MYO7B: variants seen among roughly 807,000 people sequenced by gnomAD.
The protein encoded by MYO7B is unconventional myosin-VIIb.
A neutral mutation model predicts 259.7 loss-of-function variants in MYO7B; 212 were observed. The ratio of observed to expected loss-of-function variants is 0.82; its 90% CI spans 0.73 to 0.91. The LOEUF (loss-of-function observed/expected upper bound fraction) is 0.91. Among genes scored for constraint, MYO7B ranks in the 40% least tolerant of loss-of-function variants. The pLI, the probability that MYO7B is intolerant of heterozygous loss-of-function variation, is 0.00. For missense variants in MYO7B, 2,732 were observed against 2,813.5 expected, an observed-to-expected ratio of 0.97 and a Z score of 0.66; for synonymous variants, 1,197 against 1,166.4, an observed-to-expected ratio of 1.03 and a Z score of -0.54.
At chr2:127,553,884 G>A (rs2104828133) in intron 1 of MYO7B, among the ~76,000 whole-genome samples, 1 of 152,200 alleles carries the variant, frequency 6.6e-6, no homozygotes, top group South Asian at 2.1e-4. Flanking sequence ...GTATTATGTT[G>A]GCTGTGGATT....
intron 18 of MYO7B, among the ~76,000 whole-genome samples, chr2:127,595,359 T>G (rs1558823863): frequency 6.6e-6 from 1 of 152,190 alleles, no homozygotes; most frequent in Admixed American, 6.5e-5. Flanking sequence ...TCTTCTCTCT[T>G]TTCTTCTTTT....
intron 2 of MYO7B, among the ~76,000 whole-genome samples, chr2:127,561,581 T>C (rs923996728): frequency 1.3e-5 from 2 of 152,248 alleles, no homozygotes; most frequent in Non-Finnish European, 2.9e-5. Flanking sequence ...CATGTGGTTG[T>C]TGAGCCCTCT....
rs752454556 is a variant in MYO7B, at chr2:127,636,331, C to T, written c.6123+7C>T. ...CGCCTTCTTCGAGGTGAAGGTAAAC[C>T]TTGCCCCACGCCAGGGCCTCCTACC... On this transcript the variant is annotated splice_region_variant and intron_variant, in intron 45 of 47. Transcript: ENST00000409816. This position sits in a 1 kb window ranked among gnomAD's most constrained non-coding sequence, Gnocchi z 4.5. 1.9e-6 allele frequency: 3 copies of T among 1,611,064 alleles called. No homozygotes were observed. Among genetic ancestry groups the T allele is most frequent in the South Asian group, 1.1e-5 (1 of 90,956 alleles).
intron 21 of MYO7B, 88 bp from the exon 22 acceptor site, chr2:127,608,620 G>T: frequency 7.1e-7 from 1 of 1,416,016 alleles, no homozygotes; most frequent in Non-Finnish European, 9.5e-7. Flanking sequence ...CTTGGCTTCT[G>T]GGAGGTGCTT....
chr2:127,577,092 C>T lies in MYO7B; in HGVS notation c.849+384C>T, dbSNP rs1244531902. ...CCCCCTAAAACGTAAGCCCCGGGCCCCAGGAAAGCAAAGCCCTTCCTGTGC... is the reference window on the plus strand; with the variant it reads ...CCCCCTAAAACGTAAGCCCCGGGCCTCAGGAAAGCAAAGCCCTTCCTGTGC... On this transcript the variant is annotated intron_variant, in intron 8 of 47. Coordinates refer to ENST00000409816, the MANE Select transcript of MYO7B (RefSeq NM_001393586.1). The surrounding 1 kb of genome is among the most constrained non-coding windows in gnomAD (Gnocchi z 5.2). Among the ~76,000 whole-genome samples the T allele has an allele frequency of 6.6e-6, 1 of 152,126 alleles. No individual in the cohort carries two copies. Among genetic ancestry groups the T allele is most frequent in the Non-Finnish European group, 1.5e-5 (1 of 68,018 alleles).
chr2:127,570,055 G>T, intron 6 of MYO7B, 145 bp downstream of exon 6: 1 of 1,054,710 alleles, frequency 9.5e-7, no homozygotes, highest in Middle Eastern at 3.2e-4. Context: ...AGGGTGGGGT[G>T]CATGGTAGGG....
Position 127,546,803 on chromosome 2 carries a change from T to TC in MYO7B, c.-24+10973dup, listed in dbSNP as rs1287249930. On this transcript the variant is annotated intron_variant, in intron 1 of 47. Coordinates refer to ENST00000409816, the MANE Select transcript of MYO7B (RefSeq NM_001393586.1). This position sits in a 1 kb window ranked among gnomAD's most constrained non-coding sequence, Gnocchi z 4.2. ...ATCCATCCATCCATCCATCCATCCA[T>TC]CAATCCATTCATCTGTTTGTTCATT... 6.6e-6 allele frequency among the ~76,000 whole-genome samples: 1 copy of TC among 151,094 alleles called. No individual in the cohort carries two copies. Among genetic ancestry groups the TC allele is most frequent in the African/African-American group, 2.4e-5 (1 of 41,018 alleles).
At chr2:127,631,825 G>T in intron 38 of MYO7B, 72 bp downstream of exon 38, 1 of 1,549,660 alleles carries the variant, frequency 6.5e-7, no homozygotes, top group Non-Finnish European at 8.7e-7. Flanking sequence ...CCAGACCGAG[G>T]CTCAGAGAGG....
intron 9 of MYO7B, 60 bp from the exon 10 acceptor site, chr2:127,580,686 G>A: frequency 6.6e-7 from 1 of 1,522,492 alleles, no homozygotes; most frequent in Non-Finnish European, 9.0e-7. Flanking sequence ...GGCCAGTCGG[G>A]ACCTTGCTCC....
intron 12 of MYO7B, 77 bp downstream of exon 12, chr2:127,582,523 TG>T: frequency 6.5e-7 from 1 of 1,531,772 alleles, no homozygotes. Context: ...GGGGGCAAGT[TG>T]GAGGGGAGCC....
chr2:127,583,232 T>C (rs1288725014), intron 12 of MYO7B, among the ~76,000 whole-genome samples: 1 of 152,202 alleles, frequency 6.6e-6, no homozygotes, highest in East Asian at 1.9e-4. Context: ...AGCCTGACCT[T>C]GCATGCCCCT....
At chr2:127,625,793 C>T (rs919764620) in intron 31 of MYO7B, among the ~76,000 whole-genome samples, 2 of 152,186 alleles carry the variant, frequency 1.3e-5, no homozygotes, top group Admixed American at 6.5e-5. Flanking sequence ...TGCTGGTCTG[C>T]ACTGTGGTGT....
rs761710645 is a variant in MYO7B at position 127,624,274 on chromosome 2, G to T, written c.4001G>T (p.Arg1334Leu). 1 of 1,590,614 alleles carries T rather than the reference G, an allele frequency of 6.3e-7. No individual in the cohort carries two copies. The highest frequency in any genetic ancestry group is 1.7e-5 in the Admixed American group (1 of 57,456). Reference protein sequence around the residue: ...EDPVSTELIYRQVLRGVWSGE... With the variant: ...EDPVSTELIYLQVLRGVWSGE... ...CCTGTCAGCACCGAGCTTATTTACC[G>T]CCAAGTCCTCCGAGGAGTCTGGTCT... Residue 1334 changes from arginine (R) to leucine (L), a missense_variant, in exon 30 of 48, where the codon CGC (arginine) becomes CTC (leucine). Arg to Leu is a moderately radical substitution (Grantham distance 102). Transcript: ENST00000409816.
In MYO7B at chr2:127,584,852, C is replaced by T. The variant is rs1164288920; in HGVS notation, c.1629C>T (p.Asn543=). The change falls in exon 14 of 48, where the codon AAC becomes AAT. Residue 543 remains asparagine (N), a synonymous_variant. Transcript: ENST00000409816. This position sits in a 1 kb window ranked among gnomAD's most constrained non-coding sequence, Gnocchi z 5.8. ...ANNKAFLQPK[N]IHDARFGIAH... ...ACAAGGCCTTCCTACAGCCCAAGAA[C>T]ATCCACGATGCCAGATTTGGCATTG... 4 of 1,613,996 alleles carry T rather than the reference C, an allele frequency of 2.5e-6. No homozygotes were observed. In the South Asian group the frequency reaches 3.3e-5, roughly 13 times the overall value.
rs1019917444 is a variant in MYO7B at position 127,596,540 on chromosome 2, C to A, written c.2323C>A (p.Arg775=). The change falls in exon 19 of 48, where the codon CGG becomes AGG. Residue 775 remains arginine, a synonymous_variant. Transcript: ENST00000409816. ...RAALSIQKVL[R]GYRYRKEFLR... ...GGCGCTCAGCATCCAGAAAGTCCTT[C>A]GGGGCTACAGATACAGGTGCCGGCC... 1 of 1,612,260 alleles carries A rather than the reference C, an allele frequency of 6.2e-7. No individual in the cohort carries two copies. Among genetic ancestry groups the A allele is most frequent in the African/African-American group, 1.3e-5 (1 of 74,878 alleles).
At chr2:127,604,073 C>CA (rs1680069227) in intron 19 of MYO7B, among the ~76,000 whole-genome samples, 1 of 152,150 alleles carries the variant, frequency 6.6e-6, no homozygotes, top group African/African-American at 2.4e-5. Flanking sequence ...GTGGAGGTTG[C>CA]AGTGAGCTGA....
Position 127,636,453 on chromosome 2 carries a change from T to C in MYO7B, c.6124-92T>C. The C allele has an allele frequency of 2.8e-6, 4 of 1,420,024 alleles. No individual in the cohort carries two copies. Among genetic ancestry groups the C allele is most frequent in the Admixed American group, 1.9e-5 (1 of 52,468 alleles). The allele number at this position is 1,420,024 out of a possible 1,614,324, so 88.0% of individuals were successfully genotyped here. ...CGTGAGGCTGGAGGGCGTGGGTGTA[T>C]GTGTGTATGTGCGTGTGGCCTAGAT... On this transcript the variant is annotated intron_variant, in intron 45 of 47. Coordinates refer to ENST00000409816, the MANE Select transcript of MYO7B (RefSeq NM_001393586.1). The surrounding 1 kb of genome is among the most constrained non-coding windows in gnomAD (Gnocchi z 4.5).
At chr2:127,604,757 A>AAG (rs890681393) in intron 19 of MYO7B, among the ~76,000 whole-genome samples, 1 of 152,186 alleles carries the variant, frequency 6.6e-6, no homozygotes, top group Non-Finnish European at 1.5e-5. Flanking sequence ...AAACAGAGAA[A>AAG]AGAGAGAGAG....
intron 19 of MYO7B, among the ~76,000 whole-genome samples, chr2:127,605,121 G>A (rs1441757878): frequency 6.6e-6 from 1 of 152,236 alleles, no homozygotes; most frequent in Non-Finnish European, 1.5e-5. Context: ...TATGCACTGA[G>A]CTTGCCTGGG....
Sources: gnomAD v4.1 joint callset for allele counts (sites outside exome capture counted in the v4.1 genomes callset) on GRCh38, gnomAD v4.1.1 for gene constraint, Gnocchi (gnomAD v3.1) non-coding constraint, MANE v1.5 for transcripts, NCBI Gene and HGNC (gene_info 2026-07-23, HGNC 2026-07-21) for gene names.